Variants in WWP2 observed in about 807,000 individuals in gnomAD.
WWP2 encodes the protein WW domain containing E3 ubiquitin protein ligase 2.
A neutral mutation model predicts 121.0 loss-of-function variants in WWP2; 57 were observed. The ratio of observed to expected loss-of-function variants is 0.47; its 90% CI spans 0.38 to 0.59. The LOEUF is 0.59. WWP2 is among the 20% of genes least tolerant of loss of function. The probability of loss-of-function intolerance (pLI) is 0.00; values close to 1 mark genes in which losing one functional copy is unlikely to be tolerated. For missense variants in WWP2, 962 were observed against 1,158.9 expected (o/e 0.83, Z 2.47); for synonymous variants, 449 against 441.3 (o/e 1.02, Z -0.22).
chr16:69,903,906 A>T (rs1389193709), intron 8 of WWP2, among the ~76,000 whole-genome samples: 1 of 152,236 alleles, frequency 6.6e-6, no homozygotes, highest in Non-Finnish European at 1.5e-5. Context: ...CTGAAAAATG[A>T]GCGTACTAGT....
At position 69,799,371 on chromosome 16, in the gene WWP2, C is replaced by A; in HGVS notation, c.340+76C>A. ...GACCTGGCAGATCAACCTGGTATTG[C>A]AATTTCCCCCAGGACTAGGGGCTGC... On this transcript the variant is annotated intron_variant, in intron 4 of 23. Transcript: ENST00000359154. This position sits in a 1 kb window ranked among gnomAD's most constrained non-coding sequence, Gnocchi z 4.5. 6.4e-7 allele frequency: 1 copy of A among 1,550,978 alleles called. No individual in the cohort carries two copies.
At chr16:69,804,769 T>C (rs2056241714) in intron 4 of WWP2, among the ~76,000 whole-genome samples, 1 of 152,126 alleles carries the variant, frequency 6.6e-6, no homozygotes, top group Admixed American at 6.6e-5. Context: ...ATATGTAAAG[T>C]TAACGTAATG....
chr16:69,905,004 A>G (rs1428511023), intron 8 of WWP2, among the ~76,000 whole-genome samples: 1 of 152,220 alleles, frequency 6.6e-6, no homozygotes, highest in Non-Finnish European at 1.5e-5. Flanking sequence ...GTTTTTTGTA[A>G]CAAATAGCTG....
intron 4 of WWP2, among the ~76,000 whole-genome samples, chr16:69,830,885 A>G (rs759412417): frequency 1.3e-5 from 2 of 152,122 alleles, no homozygotes; most frequent in Non-Finnish European, 2.9e-5. Context: ...GTTTCAGGGA[A>G]CTGGGGAATG....
chr16:69,846,176 G>A (rs2057075853), intron 6 of WWP2, among the ~76,000 whole-genome samples: 1 of 151,874 alleles, frequency 6.6e-6, no homozygotes, highest in African/African-American at 2.4e-5. Flanking sequence ...TGGAATCAGA[G>A]GTCTGATTAT....
intron 1 of WWP2, 42 bp from the exon 2 acceptor site, chr16:69,786,954 T>G: frequency 6.6e-7 from 1 of 1,524,110 alleles, no homozygotes. Context: ...TCTGTCTTCT[T>G]ATCAGATATT....
Position 69,940,036 on chromosome 16 carries a change from G to GGCCCCGCAGCCCT in WWP2, c.*96_*97insGCCCCGCAGCCCT. ...GCCCCGCAGCCCTTGGGAGGCCCCC[G>GGCCCCGCAGCCCT]TGGATGTGGCCCTGTGTGGGACCAC... On this transcript the variant is annotated 3_prime_UTR_variant, in exon 24 of 24. Transcript: ENST00000359154. 9.9e-7 allele frequency: 1 copy of GGCCCCGCAGCCCT among 1,010,278 alleles called. No homozygotes were observed. The highest frequency in any genetic ancestry group is 1.5e-6 in the Non-Finnish European group (1 of 683,852). 62.6% of individuals were successfully genotyped at this position (1,010,278 alleles called of 1,614,324 possible). A position where few individuals can be genotyped will look rare whatever the true frequency, so the allele number is the denominator to read the frequency against.
intron 4 of WWP2, among the ~76,000 whole-genome samples, chr16:69,815,592 C>T (rs905094868): frequency 1.3e-5 from 2 of 151,646 alleles, no homozygotes; most frequent in Admixed American, 6.6e-5. Flanking sequence ...TTGAGACCAG[C>T]GTGGCCAATG....
intron 9 of WWP2, chr16:69,909,323 T>C: frequency 1.0e-6 from 1 of 987,666 alleles, no homozygotes; most frequent in Non-Finnish European, 1.2e-6. Flanking sequence ...CAAAAGGGGA[T>C]GTATTCTGCT....
intron 4 of WWP2, among the ~76,000 whole-genome samples, chr16:69,823,511 C>T (rs2056629901): frequency 1.3e-5 from 2 of 151,438 alleles, no homozygotes; most frequent in Admixed American, 6.6e-5. Context: ...GCTTTCTTGC[C>T]CAGGCTGGAG....
At chr16:69,929,749 G>A (rs773420110) in intron 12 of WWP2, among the ~76,000 whole-genome samples, 5 of 152,206 alleles carry the variant, frequency 3.3e-5, no homozygotes, top group East Asian at 1.9e-4. Context: ...GATGGAGGGC[G>A]GCCCGGCTGG....
chr16:69,873,406 T>C (rs956405882), intron 7 of WWP2, among the ~76,000 whole-genome samples: 2 of 152,092 alleles, frequency 1.3e-5, no homozygotes, highest in African/African-American at 4.8e-5. Flanking sequence ...TCCCTGAAGT[T>C]TGGGAGCTGC....
At chr16:69,770,782 A>C (rs1471793231) in intron 1 of WWP2, among the ~76,000 whole-genome samples, 2 of 152,066 alleles carry the variant, frequency 1.3e-5, no homozygotes, top group Non-Finnish European at 2.9e-5. Flanking sequence ...GGTGTCTGCC[A>C]GCTGCAGAAT....
At chr16:69,833,289 G>A (rs569258761) in intron 4 of WWP2, among the ~76,000 whole-genome samples, 109 of 152,332 alleles carry the variant, frequency 7.2e-4, no homozygotes, top group African/African-American at 2.5e-3. Flanking sequence ...ACTGGACAGC[G>A]TGTCCTTTAC....
intron 6 of WWP2, among the ~76,000 whole-genome samples, chr16:69,859,342 C>T (rs1597067486): frequency 6.6e-6 from 1 of 152,154 alleles, no homozygotes. Flanking sequence ...GGCTTGAGTA[C>T]AGGAGTTTGA....
chr16:69,823,938 C>G (rs752230894), intron 4 of WWP2, among the ~76,000 whole-genome samples: 1 of 152,256 alleles, frequency 6.6e-6, no homozygotes, highest in African/African-American at 2.4e-5. Flanking sequence ...TGCTGTTTCT[C>G]ATCAGCCGTG....
intron 6 of WWP2, among the ~76,000 whole-genome samples, chr16:69,868,009 G>C (rs901633454): frequency 6.6e-6 from 1 of 152,252 alleles, no homozygotes; most frequent in African/African-American, 2.4e-5. Flanking sequence ...TTTATGGGTT[G>C]AGTGAGTTCT....
At chr16:69,834,819 C>T (rs530410118) in intron 4 of WWP2, among the ~76,000 whole-genome samples, 3 of 150,578 alleles carry the variant, frequency 2.0e-5, no homozygotes, top group East Asian at 2.0e-4. Flanking sequence ...TGAGCCATGG[C>T]GCCCAGCCTG....
At chr16:69,877,470 A>G (rs973935274) in intron 7 of WWP2, among the ~76,000 whole-genome samples, 8 of 152,144 alleles carry the variant, frequency 5.3e-5, no homozygotes, top group African/African-American at 1.2e-4. Flanking sequence ...CTTTCTCCCT[A>G]TCACTTTTCT....
Sources: gnomAD v4.1 joint callset for allele counts (sites outside exome capture counted in the v4.1 genomes callset) on GRCh38, gnomAD v4.1.1 for gene constraint, Gnocchi (gnomAD v3.1) non-coding constraint, MANE v1.5 for transcripts, NCBI Gene and HGNC (gene_info 2026-07-23, HGNC 2026-07-21) for gene names.